FER1L5: variants seen among roughly 807,000 people sequenced by gnomAD.
The protein encoded by FER1L5 is fer-1 like family member 5.
In FER1L5, 187 loss-of-function variants were observed where a neutral mutation model predicts 279.9. The observed-to-expected ratio is 0.67, with a 90% confidence interval of 0.59 to 0.75. The LOEUF is 0.75. Ranked by LOEUF, FER1L5 falls within the 30% of genes least tolerant of loss-of-function variation. The pLI, the probability that FER1L5 is intolerant of heterozygous loss-of-function variation, is 0.00. For synonymous variants in FER1L5, 921 were observed against 989.7 expected (o/e 0.93, Z 1.30); for missense variants, 2,091 against 2,594.4 (o/e 0.81, Z 4.21).
chr2:96,682,627 A>T (rs1167056444), intron 19 of FER1L5, among the ~76,000 whole-genome samples: 3 of 152,192 alleles, frequency 2.0e-5, no homozygotes, highest in South Asian at 4.1e-4. Flanking sequence ...TCCAGAGAGG[A>T]TTGGCTTGCT....
chr2:96,695,254 A>C (rs1306173643), intron 34 of FER1L5: 1 of 475,974 alleles, frequency 2.1e-6, no homozygotes, highest in African/African-American at 2.0e-5. Flanking sequence ...TGGAGGATGC[A>C]GCCAGTGGCC....
chr2:96,702,177 G>A lies in FER1L5; in HGVS notation c.5160-129G>A, dbSNP rs1300037527. ...GGGAAGAGAGGAAGCTCTACTGGGA[G>A]CTTTCTTCCCCTGAATTCCCCACAC... On this transcript the variant is annotated intron_variant, in intron 46 of 52. Transcript: ENST00000624922. This position sits in a 1 kb window ranked among gnomAD's most constrained non-coding sequence, Gnocchi z 4.0. 2 of 1,563,110 alleles carry A rather than the reference G, an allele frequency of 1.3e-6. No homozygotes were observed. The highest frequency in any genetic ancestry group is 3.9e-5 in the Admixed American group (2 of 51,678).
At chr2:96,688,039 G>T (rs936188434) in intron 24 of FER1L5, 92 bp downstream of exon 24, 88 of 1,493,026 alleles carry the variant, frequency 5.9e-5, no homozygotes, top group East Asian at 2.0e-4. Context: ...CCCTGCAGGG[G>T]ATTTGGCGTG....
chr2:96,642,982 T>C, intron 1 of FER1L5, 61 bp downstream of exon 1: 2 of 1,443,642 alleles, frequency 1.4e-6, no homozygotes, highest in Non-Finnish European at 1.9e-6. Flanking sequence ...ATGGATTCAG[T>C]GAAAAAAGAG....
At chr2:96,681,509 C>A (rs1303427642) in intron 19 of FER1L5, among the ~76,000 whole-genome samples, 1 of 152,128 alleles carries the variant, frequency 6.6e-6, no homozygotes. Flanking sequence ...AGAAAGTGAG[C>A]AGCTGAGAAC....
intron 9 of FER1L5, among the ~76,000 whole-genome samples, chr2:96,656,327 T>C (rs2075598222): frequency 6.6e-6 from 1 of 152,206 alleles, no homozygotes; most frequent in African/African-American, 2.4e-5. Flanking sequence ...TACATATTTC[T>C]TTTACAGTTT....
intron 9 of FER1L5, among the ~76,000 whole-genome samples, chr2:96,659,478 T>TTTCTTTCTTTCTTTCTTTCTTTCTTTCC (rs2075848452): frequency 6.4e-5 from 2 of 31,110 alleles, no homozygotes; most frequent in Non-Finnish European, 9.8e-5. Context: ...TCTTTCTTTC[T>TTTCTTTCTTTCTTTCTTTCTTTCTTTCC]TTCTTTCTTT....
In FER1L5 at chr2:96,702,380, C is replaced by T. The variant is rs762843331; in HGVS notation, c.5234C>T (p.Thr1745Met). The T allele has an allele frequency of 2.0e-5, 33 of 1,612,332 alleles. 1 individual carries two copies. The Admixed American group carries it at 2.3e-4, about 11-fold the overall frequency. Reference sequence around the variant, plus strand: ...GATGACAATTTAAGTAGAGAGAAGACGAGCGACATCTACATCAAAGGGTAG... The same window carrying T: ...GATGACAATTTAAGTAGAGAGAAGATGAGCGACATCTACATCAAAGGGTAG... ...LVDDNLSREK[T>M]SDIYIKGWLY... The change falls in exon 47 of 53, where the codon ACG becomes ATG. Residue 1745 changes from threonine to methionine, a missense_variant. Coordinates refer to ENST00000624922, the MANE Select transcript of FER1L5 (RefSeq NM_001293083.2). The surrounding 1 kb of genome is among the most constrained non-coding windows in gnomAD (Gnocchi z 4.0).
At chr2:96,643,757 A>T (rs2074988796) in intron 1 of FER1L5, among the ~76,000 whole-genome samples, 1 of 151,454 alleles carries the variant, frequency 6.6e-6, no homozygotes, top group Non-Finnish European at 1.5e-5. Context: ...TAGGTAAGAG[A>T]AAAGAATCCC....
chr2:96,661,473 T>C, intron 11 of FER1L5, 33 bp downstream of exon 11: 2 of 1,545,654 alleles, frequency 1.3e-6, no homozygotes, highest in African/African-American at 1.4e-5. Context: ...AACTTTCCTA[T>C]CCTGGCTGCC....
rs1238271570 is a variant in FER1L5 at position 96,642,932 on chromosome 2, C to T, written c.85+11C>T. On this transcript the variant is annotated intron_variant, in intron 1 of 52. Transcript: ENST00000624922. ...CCATCGACTTCAGAGGTGAGAGCCT[C>T]CCTGGGTCCACATGGGAGAGAGAAG... The T allele has an allele frequency of 5.2e-6, 8 of 1,548,948 alleles. No individual in the cohort carries two copies. The highest frequency in any genetic ancestry group is 4.9e-5 in the East Asian group (2 of 40,644).
rs769673265 is a variant in FER1L5, at chr2:96,661,776, G to A, written c.1003G>A (p.Glu335Lys). ...CTTACAGCTCTTCATCTACTGCGCA[G>A]AGGACCTTCACCTCAGTTAGAGTCT... The part of the protein sequence containing the change: ...AYLQLFIYCA[E>K]DLHLKKHQSV... The change falls in exon 12 of 53, where the codon GAG becomes AAG. Residue 335 changes from glutamate to lysine, a missense_variant. Transcript: ENST00000624922. 2.4e-5 allele frequency: 37 copies of A among 1,551,722 alleles called. No homozygotes were observed. Among genetic ancestry groups the A allele is most frequent in the Non-Finnish European group, 3.1e-5 (36 of 1,146,994 alleles).
At chr2:96,693,251 C>T (rs1428271252) in intron 31 of FER1L5, among the ~76,000 whole-genome samples, 1 of 152,098 alleles carries the variant, frequency 6.6e-6, no homozygotes, top group Non-Finnish European at 1.5e-5. Flanking sequence ...GATCCCCTGC[C>T]CTCCATCTCT....
intron 10 of FER1L5, among the ~76,000 whole-genome samples, chr2:96,660,787 C>T (rs757799161): frequency 4.6e-5 from 7 of 152,218 alleles, no homozygotes; most frequent in African/African-American, 7.2e-5. Flanking sequence ...CTCTTGACCT[C>T]AGGTGATCCA....
intron 14 of FER1L5, among the ~76,000 whole-genome samples, chr2:96,665,454 G>A (rs892462688): frequency 2.1e-4 from 32 of 151,966 alleles, no homozygotes; most frequent in Admixed American, 1.9e-3. Context: ...TTTCAGAGGA[G>A]GCCTAGTCCA....
Position 96,647,060 on chromosome 2 carries a change from A to G in FER1L5, c.139-4A>G. ...GGATGCTGACCTCTCTATGCCCCCC[A>G]CAGACCCTAATCTGGCACCTCTGGA... On this transcript the variant is annotated splice_polypyrimidine_tract_variant and splice_region_variant and intron_variant, in intron 2 of 52. Transcript: ENST00000624922. 1.3e-6 allele frequency: 2 copies of G among 1,551,548 alleles called. No individual in the cohort carries two copies. The highest frequency in any genetic ancestry group is 1.7e-6 in the Non-Finnish European group (2 of 1,146,946).
At chr2:96,676,099 T>C (rs1267304889) in intron 19 of FER1L5, among the ~76,000 whole-genome samples, 1 of 152,212 alleles carries the variant, frequency 6.6e-6, no homozygotes, top group East Asian at 1.9e-4. Flanking sequence ...GAGGGAGGAA[T>C]TGAGATTATT....
At chr2:96,651,572 G>A (rs1183688281) in intron 6 of FER1L5, among the ~76,000 whole-genome samples, 1 of 148,792 alleles carries the variant, frequency 6.7e-6, no homozygotes, top group Non-Finnish European at 1.5e-5. Context: ...CACGATCACA[G>A]CTCACTACAG....
At chr2:96,683,194 G>A (rs1163057349) in intron 19 of FER1L5, among the ~76,000 whole-genome samples, 4 of 152,190 alleles carry the variant, frequency 2.6e-5, no homozygotes, top group Non-Finnish European at 5.9e-5. Flanking sequence ...AAGCCAGGTG[G>A]TTTTAGACAA....
Sources: allele counts gnomAD v4.1 joint callset (sites outside exome capture counted in the v4.1 genomes callset), GRCh38; gene constraint gnomAD v4.1.1; non-coding constraint Gnocchi (gnomAD v3.1); transcripts MANE v1.5; gene names NCBI Gene and HGNC (gene_info 2026-07-23, HGNC 2026-07-21).